MYO5A: variants seen among roughly 807,000 people sequenced by gnomAD.
MYO5A encodes myosin VA, also known as unconventional myosin-Va.
A neutral mutation model predicts 249.7 loss-of-function variants in MYO5A; 98 were observed. The ratio of observed to expected loss-of-function variants is 0.39; its 90% CI spans 0.33 to 0.46. The LOEUF is 0.46. Among genes scored for constraint, MYO5A ranks in the 20% least tolerant of loss-of-function variants. The pLI, the probability that MYO5A is intolerant of heterozygous loss-of-function variation, is 0.98. For synonymous variants in MYO5A, 778 were observed against 810.6 expected (o/e 0.96, Z 0.68); for missense variants, 1,696 against 2,308.8 (o/e 0.73, Z 5.44).
chr15:52,374,725 C>T (rs1331595235), intron 20 of MYO5A, among the ~76,000 whole-genome samples: 1 of 152,248 alleles, frequency 6.6e-6, no homozygotes, highest in Non-Finnish European at 1.5e-5. Flanking sequence ...TCCCCTGGAG[C>T]TTCTGGAAGG....
chr15:52,356,076 T>G (rs1412753545), intron 25 of MYO5A, among the ~76,000 whole-genome samples: 1 of 152,162 alleles, frequency 6.6e-6, no homozygotes, highest in Non-Finnish European at 1.5e-5. Context: ...TAATTTTTAA[T>G]GAGGTAAGAA....
At chr15:52,468,283 CAG>C (rs1414952421) in intron 1 of MYO5A, among the ~76,000 whole-genome samples, 1 of 152,152 alleles carries the variant, frequency 6.6e-6, no homozygotes, top group African/African-American at 2.4e-5. Context: ...GCCTGGGTGA[CAG>C]AATGAGATCC....
At chr15:52,456,934 C>T (rs1243281153) in intron 1 of MYO5A, among the ~76,000 whole-genome samples, 1 of 152,006 alleles carries the variant, frequency 6.6e-6, no homozygotes, top group African/African-American at 2.4e-5. Context: ...TTCAAAATTA[C>T]AAGAAAAACA....
At chr15:52,347,740 TAATA>T (rs2039715140) in intron 29 of MYO5A, among the ~76,000 whole-genome samples, 1 of 152,240 alleles carries the variant, frequency 6.6e-6, no homozygotes, top group Non-Finnish European at 1.5e-5. Context: ...TGAAATATAC[TAATA>T]AATAGTTTAC....
At chr15:52,470,470 G>A (rs2076438833) in intron 1 of MYO5A, among the ~76,000 whole-genome samples, 1 of 152,050 alleles carries the variant, frequency 6.6e-6, no homozygotes, top group Non-Finnish European at 1.5e-5. Context: ...GGACCAACAT[G>A]GAGAAACTCC....
chr15:52,388,814 T>A (rs1034399294), intron 13 of MYO5A, among the ~76,000 whole-genome samples: 3 of 152,184 alleles, frequency 2.0e-5, no homozygotes, highest in Admixed American at 2.0e-4. Context: ...TTTAGAGATG[T>A]AGTATGTACA....
intron 9 of MYO5A, 129 bp downstream of exon 9, chr15:52,405,158 A>G (rs750336114): frequency 1.3e-6 from 1 of 755,182 alleles, no homozygotes; most frequent in Non-Finnish European, 2.3e-6. Context: ...TTTGGATAAC[A>G]TATGTCTTTG....
intron 34 of MYO5A, among the ~76,000 whole-genome samples, chr15:52,333,477 T>G (rs1340294394): frequency 1.3e-5 from 2 of 152,156 alleles, no homozygotes; most frequent in Non-Finnish European, 2.9e-5. Context: ...TGTGTTCTAG[T>G]CCTGCCATCT....
chr15:52,442,952 C>T (rs572545173), intron 1 of MYO5A, among the ~76,000 whole-genome samples: 8 of 152,162 alleles, frequency 5.3e-5, no homozygotes, highest in African/African-American at 1.9e-4. Context: ...AGGGTTTCAC[C>T]GTGTTAGCCA....
rs769605074 is a variant in MYO5A, at chr15:52,351,231, TTTAA to T, written c.3849+19_3849+22del. On this transcript the variant is annotated intron_variant, in intron 28 of 41. Transcript: ENST00000399233. ...TTGAGGCCAGTCCCCGAACACCCAG[TTTAA>T]TTGTGTGCTTGCGCTTACCTTGGGT... 5 of 1,600,100 alleles carry T rather than the reference TTTAA, an allele frequency of 3.1e-6. No individual in the cohort carries two copies. The Admixed American group carries it at 8.4e-5, about 27-fold the overall frequency.
intron 20 of MYO5A, 88 bp from the exon 21 acceptor site, chr15:52,372,451 T>C: frequency 6.5e-7 from 1 of 1,532,632 alleles, no homozygotes. Flanking sequence ...ATCCACACAT[T>C]ACCTAGAGGA....
Position 52,310,211 on chromosome 15 carries a change from A to G in MYO5A, c.*3485T>C, listed in dbSNP as rs968052021. 1.1e-4 allele frequency: 16 copies of G among 152,264 alleles called. No homozygotes were observed. The highest frequency in any genetic ancestry group is 3.9e-4 in the African/African-American group (16 of 41,476). 9.4% of individuals were successfully genotyped at this position (152,264 alleles called of 1,614,324 possible). A position where few individuals can be genotyped will look rare whatever the true frequency, so the allele number is the denominator to read the frequency against. On this transcript the variant is annotated 3_prime_UTR_variant, in exon 42 of 42. Coordinates refer to ENST00000399233, the MANE Select transcript of MYO5A (RefSeq NM_001382347.1). ...TTCTGCACCTGACAAAAGAAGCATC[A>G]GATATGTGGAAATTTTTTAAACTTC...
At chr15:52,427,359 A>G (rs1239562269) in intron 3 of MYO5A, among the ~76,000 whole-genome samples, 1 of 152,174 alleles carries the variant, frequency 6.6e-6, no homozygotes, top group Non-Finnish European at 1.5e-5. Flanking sequence ...AATTAACAAG[A>G]TAAGTAAGAA....
chr15:52,499,151 C>G (rs942856077), intron 1 of MYO5A, among the ~76,000 whole-genome samples: 3 of 152,132 alleles, frequency 2.0e-5, no homozygotes, highest in African/African-American at 7.2e-5. Context: ...TCTCCTCCAT[C>G]CCCAGTTCTA....
chr15:52,376,353 G>T lies in MYO5A; in HGVS notation c.2414C>A (p.Ala805Asp), dbSNP rs1176829578. The change falls in exon 19 of 42, where the codon GCC becomes GAC. Residue 805 changes from alanine (A) to aspartate (D), a missense_variant. Coordinates refer to ENST00000399233, the MANE Select transcript of MYO5A (RefSeq NM_001382347.1). The stretch of plus-strand genomic sequence containing the variant: ...CTGTCCCCAGGAGACCTACCATCGG[G>T]CCTGGTAGCCCCGCACGTATCTCTG... ...TMQRYVRGYQ[A>D]RCYAKFLRRT... is the part of the protein sequence containing the mutation. 1 of 1,613,894 alleles carries T rather than the reference G, an allele frequency of 6.2e-7. No homozygotes were observed. The highest frequency in any genetic ancestry group is 2.2e-5 in the East Asian group (1 of 44,866).
chr15:52,360,943 A>G (rs2040490254), intron 24 of MYO5A, among the ~76,000 whole-genome samples: 1 of 152,118 alleles, frequency 6.6e-6, no homozygotes, highest in East Asian at 1.9e-4. Context: ...GGCCTCTGAG[A>G]GCTTTCTCAT....
chr15:52,422,464 A>C (rs920463471), intron 4 of MYO5A, among the ~76,000 whole-genome samples: 4 of 151,958 alleles, frequency 2.6e-5, no homozygotes, highest in Non-Finnish European at 4.4e-5. Context: ...AATAAACAGC[A>C]ACTCCAACCT....
rs759889235 is a variant in MYO5A at position 52,364,708 on chromosome 15, A to G, written c.3161-6T>C. On this transcript the variant is annotated splice_polypyrimidine_tract_variant and splice_region_variant and intron_variant, in intron 23 of 41. Transcript: ENST00000399233. ...TAACTTCTTCTCCATAGTTTCTGAA[A>G]TTAAAAAAAGGATATGCATACTAAA... The G allele has an allele frequency of 1.1e-5, 18 of 1,613,342 alleles. 1 individual carries two copies. The Admixed American group carries it at 1.8e-4, about 16-fold the overall frequency.
intron 35 of MYO5A, among the ~76,000 whole-genome samples, chr15:52,328,461 A>G (rs2038715148): frequency 6.6e-6 from 1 of 152,138 alleles, no homozygotes; most frequent in Non-Finnish European, 1.5e-5. Context: ...CAATCCATCA[A>G]CAAACCCTGT....
Sources: allele counts gnomAD v4.1 joint callset (sites outside exome capture counted in the v4.1 genomes callset), GRCh38; gene constraint gnomAD v4.1.1; transcripts MANE v1.5; gene names NCBI Gene and HGNC (gene_info 2026-07-23, HGNC 2026-07-21).